TACR3: variants seen among roughly 807,000 people sequenced by gnomAD.
TACR3 encodes neuromedin-K receptor.
TACR3 carries 34 observed loss-of-function variants against 35.0 expected under a neutral mutation model. The ratio of observed to expected loss-of-function variants is 0.97; its 90% CI spans 0.74 to 1.30. The LOEUF (loss-of-function observed/expected upper bound fraction) is 1.30. Among genes scored for constraint, TACR3 ranks in the 50% most tolerant of loss-of-function variants. The probability of loss-of-function intolerance (pLI) is 0.00; values close to 1 mark genes in which losing one functional copy is unlikely to be tolerated. For missense variants in TACR3, 558 were observed against 591.7 expected, an observed-to-expected ratio of 0.94 and a Z score of 0.59; for synonymous variants, 233 against 221.1, an observed-to-expected ratio of 1.05 and a Z score of -0.48.
intron 3 of TACR3, among the ~76,000 whole-genome samples, chr4:103,618,737 G>T (rs531778238): frequency 2.6e-5 from 4 of 152,082 alleles, no homozygotes; most frequent in African/African-American, 9.6e-5. Context: ...AGCATGAGAT[G>T]CTTTTTATTT....
chr4:103,590,557 G>T (rs1362867973), intron 4 of TACR3, among the ~76,000 whole-genome samples: 1 of 150,952 alleles, frequency 6.6e-6, no homozygotes, highest in Non-Finnish European at 1.5e-5. Context: ...TGCTTGTGGG[G>T]TGTCAGGAAT....
At chr4:103,686,443 C>G (rs1026756634) in intron 1 of TACR3, among the ~76,000 whole-genome samples, 1 of 152,016 alleles carries the variant, frequency 6.6e-6, no homozygotes, top group Admixed American at 6.6e-5. Context: ...AAAAACTGAG[C>G]AATGGTACCA....
At chr4:103,613,430 C>G (rs1273107994) in intron 3 of TACR3, among the ~76,000 whole-genome samples, 1 of 152,138 alleles carries the variant, frequency 6.6e-6, no homozygotes, top group African/African-American at 2.4e-5. Flanking sequence ...AGCGATTCTC[C>G]TGCCTCAACT....
chr4:103,601,756 G>T (rs111241939), intron 3 of TACR3, among the ~76,000 whole-genome samples: 1,885 of 152,228 alleles, frequency 0.012, 39 homozygotes, highest in African/African-American at 0.043. Flanking sequence ...GAGAGATCAG[G>T]TGTTAGTCTG....
intron 3 of TACR3, among the ~76,000 whole-genome samples, chr4:103,621,988 T>C (rs1386647013): frequency 1.3e-5 from 2 of 151,888 alleles, no homozygotes; most frequent in Non-Finnish European, 2.9e-5. Flanking sequence ...GGGTAAAGAG[T>C]AGCATTTAAG....
intron 1 of TACR3, among the ~76,000 whole-genome samples, chr4:103,668,605 T>C (rs1386121197): frequency 6.6e-6 from 1 of 152,106 alleles, no homozygotes; most frequent in Non-Finnish European, 1.5e-5. Context: ...CCCAGCATTT[T>C]GGGAGGCCGA....
chr4:103,650,619 T>C (rs1462462299), intron 3 of TACR3, among the ~76,000 whole-genome samples: 1 of 87,124 alleles, frequency 1.1e-5, no homozygotes, highest in Non-Finnish European at 2.0e-5. Flanking sequence ...ATAAATATAT[T>C]ATATATAAAT....
intron 3 of TACR3, among the ~76,000 whole-genome samples, chr4:103,603,589 T>C (rs980731051): frequency 6.6e-6 from 1 of 152,368 alleles, no homozygotes; most frequent in African/African-American, 2.4e-5. Context: ...GCATTTGGGT[T>C]GGTTCCAAGA....
intron 3 of TACR3, among the ~76,000 whole-genome samples, chr4:103,637,845 C>A (rs1231576622): frequency 1.3e-5 from 2 of 152,022 alleles, no homozygotes; most frequent in African/African-American, 4.8e-5. Flanking sequence ...ACAATTGCTA[C>A]AAAGAGAATA....
chr4:103,640,478 G>A (rs1489438950), intron 3 of TACR3, among the ~76,000 whole-genome samples: 2 of 151,908 alleles, frequency 1.3e-5, no homozygotes, highest in South Asian at 2.1e-4. Flanking sequence ...TTTGAGAAAT[G>A]TCTGTTTAGT....
chr4:103,664,152 T>C (rs1190032194), intron 1 of TACR3, among the ~76,000 whole-genome samples: 2 of 152,198 alleles, frequency 1.3e-5, no homozygotes, highest in Non-Finnish European at 2.9e-5. Context: ...GAAGCATCTA[T>C]TGAAAACTAA....
At chr4:103,626,839 T>C (rs1395927282) in intron 3 of TACR3, among the ~76,000 whole-genome samples, 2 of 151,966 alleles carry the variant, frequency 1.3e-5, no homozygotes, top group Admixed American at 6.6e-5. Context: ...GTATCAGTAA[T>C]CTATATAATA....
chr4:103,697,792 C>G (rs888991869), intron 1 of TACR3, among the ~76,000 whole-genome samples: 26 of 152,142 alleles, frequency 1.7e-4, no homozygotes, highest in African/African-American at 6.3e-4. Context: ...CATGTTTAGA[C>G]TTGATAACTT....
chr4:103,693,449 G>A (rs529032844), intron 1 of TACR3, among the ~76,000 whole-genome samples: 1 of 152,184 alleles, frequency 6.6e-6, no homozygotes, highest in African/African-American at 2.4e-5. Context: ...ATTTCCTCCA[G>A]CAGAAAATTA....
intron 3 of TACR3, among the ~76,000 whole-genome samples, chr4:103,643,487 T>G (rs1725400526): frequency 6.6e-6 from 1 of 151,626 alleles, no homozygotes; most frequent in Admixed American, 6.6e-5. Context: ...CTACCAATTC[T>G]TTGCAGTTCA....
chr4:103,694,113 A>G (rs1722469863), intron 1 of TACR3, among the ~76,000 whole-genome samples: 1 of 152,058 alleles, frequency 6.6e-6, no homozygotes. Flanking sequence ...GACTTGAAGC[A>G]AATTTCAGAA....
chr4:103,648,929 C>T (rs1354935199), intron 3 of TACR3, among the ~76,000 whole-genome samples: 2 of 152,080 alleles, frequency 1.3e-5, no homozygotes, highest in Non-Finnish European at 2.9e-5. Flanking sequence ...TTCCTTTCCT[C>T]CACATCCTTG....
intron 1 of TACR3, among the ~76,000 whole-genome samples, chr4:103,694,863 G>T (rs1019508084): frequency 1.3e-5 from 2 of 152,078 alleles, no homozygotes; most frequent in African/African-American, 4.8e-5. Context: ...TTCACAGGAA[G>T]ACATAATCCT....
At chr4:103,623,123 G>A (rs1332713521) in intron 3 of TACR3, among the ~76,000 whole-genome samples, 1 of 151,710 alleles carries the variant, frequency 6.6e-6, no homozygotes, top group Non-Finnish European at 1.5e-5. Context: ...CTCTTCACAG[G>A]AGGATTTAAG....
Sources: gnomAD v4.1 joint callset for allele counts (sites outside exome capture counted in the v4.1 genomes callset) on GRCh38, gnomAD v4.1.1 for gene constraint, MANE v1.5 for transcripts, NCBI Gene and HGNC (gene_info 2026-07-23, HGNC 2026-07-21) for gene names.